Variants in ISCA1 observed in about 807,000 individuals in gnomAD.
ISCA1 encodes iron-sulfur cluster assembly 1.
ISCA1 carries 9 observed loss-of-function variants against 14.7 expected under a neutral mutation model. The observed-to-expected ratio is 0.61, with a 90% CI of 0.37 to 1.07. The LOEUF (loss-of-function observed/expected upper bound fraction) is 1.07. Among genes scored for constraint, ISCA1 ranks in the 50% least tolerant of loss-of-function variants. The probability of loss-of-function intolerance (pLI) is 0.01; values close to 1 mark genes in which losing one functional copy is unlikely to be tolerated. For synonymous variants in ISCA1, 38 were observed against 54.3 expected, an observed-to-expected ratio of 0.70 and a Z score of 1.32; for missense variants, 102 against 150.1, an observed-to-expected ratio of 0.68 and a Z score of 1.67.
intron 1 of ISCA1, among the ~76,000 whole-genome samples, chr9:86,274,647 C>G (rs182430611): frequency 6.6e-6 from 1 of 152,274 alleles, no homozygotes; most frequent in Admixed American, 6.5e-5. Flanking sequence ...GGCCAACCTT[C>G]AGGTGTTTTT....
intron 2 of ISCA1, among the ~76,000 whole-genome samples, chr9:86,272,663 TAC>T (rs1310296533): frequency 3.3e-5 from 5 of 152,240 alleles, no homozygotes; most frequent in African/African-American, 7.2e-5. Context: ...TTCATTTAAA[TAC>T]AGTCATCCCT....
intron 1 of ISCA1, among the ~76,000 whole-genome samples, chr9:86,277,710 T>C (rs534916289): frequency 6.6e-6 from 1 of 152,304 alleles, no homozygotes; most frequent in South Asian, 2.1e-4. Flanking sequence ...AAGAAATTTA[T>C]GTACTATTAA....
chr9:86,282,245 G>C, intron 1 of ISCA1, 133 bp downstream of exon 1: 1 of 954,454 alleles, frequency 1.0e-6, no homozygotes, highest in Non-Finnish European at 1.5e-6. Context: ...GAGGCTGTGC[G>C]GCGGGTCGGA....
chr9:86,270,942 T>C (rs1299662517), intron 3 of ISCA1, among the ~76,000 whole-genome samples: 2 of 89,548 alleles, frequency 2.2e-5, no homozygotes, highest in East Asian at 3.9e-4. Flanking sequence ...GGGACTGTTG[T>C]GGGGCGGGGG....
chr9:86,274,231 T>C lies in ISCA1; in HGVS notation c.93A>G (p.Ala31=). The C allele has an allele frequency of 6.3e-7, 1 of 1,590,740 alleles. No homozygotes were observed. The highest frequency in any genetic ancestry group is 8.6e-7 in the Non-Finnish European group (1 of 1,159,196). ...TAAGAAGTTGTTTTATCTTGTTTAC[T>C]GCTGAAGGTGTCTGAAAAAAGAAAA... ...TRAALTLTPS[A]VNKIKQLLKD... is the part of the protein sequence containing the mutation. Residue 31 remains alanine (A), a synonymous_variant, in exon 2 of 4, where the codon GCA becomes GCG. Coordinates refer to ENST00000375991, the MANE Select transcript of ISCA1 (RefSeq NM_030940.4).
intron 3 of ISCA1, among the ~76,000 whole-genome samples, chr9:86,269,122 T>C (rs1358567479): frequency 6.6e-6 from 1 of 152,144 alleles, no homozygotes; most frequent in African/African-American, 2.4e-5. Flanking sequence ...ACTCCTACAC[T>C]CAAGGAATCC....
intron 3 of ISCA1, among the ~76,000 whole-genome samples, chr9:86,271,372 C>A (rs370735191): frequency 8.5e-5 from 13 of 152,116 alleles, no homozygotes; most frequent in African/African-American, 2.7e-4. Flanking sequence ...ATTTGTCTAA[C>A]GTCACATTTC....
chr9:86,266,375 CATGAATTT>C (rs1047248864), intron 3 of ISCA1, among the ~76,000 whole-genome samples, 184 bp from the exon 4 acceptor site: 9 of 152,204 alleles, frequency 5.9e-5, no homozygotes, highest in African/African-American at 1.9e-4. Context: ...CTTTCCCACA[CATGAATTT>C]ATGTCACAAT....
Position 86,267,260 on chromosome 9 carries a change from T to C in ISCA1, c.242-1069A>G, listed in dbSNP as rs1050255935. 1.3e-5 allele frequency: 10 copies of C among 787,710 alleles called. No individual in the cohort carries two copies. The Admixed American group carries it at 6.3e-4, about 49-fold the overall frequency. 48.8% of individuals were successfully genotyped at this position (787,710 alleles called of 1,614,324 possible). ...CAAAACAACGAAACAACAAAAAAAC[T>C]TTCTTCCTTACAAGAAATTGAGCCA... On this transcript the variant is annotated intron_variant, in intron 3 of 3. Coordinates refer to ENST00000375991, the MANE Select transcript of ISCA1 (RefSeq NM_030940.4).
rs143632831 is a variant in ISCA1 at position 86,280,186 on chromosome 9, G to A, written c.81+2192C>T. Among the ~76,000 whole-genome samples the A allele has an allele frequency of 1.4e-3, 216 of 152,280 alleles. 5 individuals carry two copies. In the East Asian group the frequency reaches 0.033, roughly 23 times the overall value. ...AAGGCTTGGCCTGCGACTGTGCCCC[G>A]TAGGCTGGGAACTGTATAACTCATT... On this transcript the variant is annotated intron_variant, in intron 1 of 3. Transcript: ENST00000375991.
chr9:86,269,803 C>A (rs912609550), intron 3 of ISCA1, among the ~76,000 whole-genome samples: 84 of 152,108 alleles, frequency 5.5e-4, no homozygotes, highest in Non-Finnish European at 9.9e-4. Context: ...CTACAACTAT[C>A]TGATCTTTGA....
chr9:86,267,835 TAAA>T (rs34344174), intron 3 of ISCA1: 21 of 117,718 alleles, frequency 1.8e-4, no homozygotes, highest in Middle Eastern at 3.8e-3. Context: ...CATCTCAAAT[TAAA>T]AAAAAAAAAA....
At chr9:86,279,480 T>C (rs1158620761) in intron 1 of ISCA1, among the ~76,000 whole-genome samples, 2 of 152,250 alleles carry the variant, frequency 1.3e-5, no homozygotes, top group Non-Finnish European at 2.9e-5. Context: ...AATGACAGCA[T>C]TGAACTGTGT....
At chr9:86,272,330 C>T (rs950296355) in intron 2 of ISCA1, among the ~76,000 whole-genome samples, 1 of 152,186 alleles carries the variant, frequency 6.6e-6, no homozygotes, top group Non-Finnish European at 1.5e-5. Context: ...AAGGCAGGAG[C>T]CACCCCGTCC....
Position 86,272,212 on chromosome 9 carries a change from T to G in ISCA1, c.136-100A>C, listed in dbSNP as rs530256307. On this transcript the variant is annotated intron_variant, in intron 2 of 3. Transcript: ENST00000375991. ...TAGCCTCCTCGTACCAAAATGGACT[T>G]TCTCTTATTTTTTGTAGGACAGGGT... is the stretch of plus-strand genomic sequence containing the variant. 6.6e-6 allele frequency: 5 copies of G among 755,118 alleles called. No individual in the cohort carries two copies. In the South Asian group the frequency reaches 7.8e-5, roughly 12 times the overall value. The allele number at this position is 755,118 out of a possible 1,614,324, so 46.8% of individuals were successfully genotyped here. A position where few individuals can be genotyped will look rare whatever the true frequency, so the allele number is the denominator to read the frequency against.
chr9:86,267,316 T>G (rs1825303125), intron 3 of ISCA1: 1 of 814,828 alleles, frequency 1.2e-6, no homozygotes, highest in Non-Finnish European at 1.5e-6. Context: ...TATAATTAAG[T>G]CACCTCTTCT....
At chr9:86,271,402 T>G (rs1055118654) in intron 3 of ISCA1, among the ~76,000 whole-genome samples, 2 of 152,220 alleles carry the variant, frequency 1.3e-5, no homozygotes, top group Non-Finnish European at 2.9e-5. Context: ...ATCTCCAATG[T>G]TAAGTGATGT....
intron 1 of ISCA1, among the ~76,000 whole-genome samples, chr9:86,275,116 A>G (rs2131224819): frequency 6.6e-6 from 1 of 152,316 alleles, no homozygotes; most frequent in South Asian, 2.1e-4. Context: ...AAACAGGGAT[A>G]ACAGTTCCTC....
intron 1 of ISCA1, among the ~76,000 whole-genome samples, chr9:86,279,911 T>G (rs980285045): frequency 2.0e-5 from 3 of 152,198 alleles, no homozygotes; most frequent in African/African-American, 7.2e-5. Flanking sequence ...ACACAGGCTG[T>G]GTGGAAAACA....
Sources: gnomAD v4.1 joint callset for allele counts (sites outside exome capture counted in the v4.1 genomes callset) on GRCh38, gnomAD v4.1.1 for gene constraint, MANE v1.5 for transcripts, NCBI Gene and HGNC (gene_info 2026-07-23, HGNC 2026-07-21) for gene names.